The following FDX1 variants were observed in gnomAD, a reference collection of about 807,000 sequenced individuals.
The protein encoded by FDX1 is ferredoxin 1.
FDX1 carries 9 observed loss-of-function variants against 14.9 expected under a neutral mutation model. That is an observed-to-expected ratio of 0.60 (90% CI 0.36 to 1.05). The LOEUF is 1.05. Ranked by LOEUF, FDX1 falls within the 50% of genes least tolerant of loss-of-function variation. The pLI, the probability that FDX1 is intolerant of heterozygous loss-of-function variation, is 0.01. For missense variants in FDX1, 204 were observed against 237.2 expected (o/e 0.86, Z 0.92); for synonymous variants, 92 against 99.4 (o/e 0.93, Z 0.44).
chr11:110,444,658 A>G lies in FDX1; in HGVS notation c.310+8700A>G, dbSNP rs1565381754. On this transcript the variant is annotated intron_variant, in intron 2 of 3. Coordinates refer to ENST00000260270, the MANE Select transcript of FDX1 (RefSeq NM_004109.5). ...TGTGTGTGTGTGTGTGTGTATATATATATATACGTATATATATATATATAT... is the reference window on the plus strand; with the variant it reads ...TGTGTGTGTGTGTGTGTGTATATATGTATATACGTATATATATATATATAT... Among the ~76,000 whole-genome samples the G allele has an allele frequency of 2.8e-3, 222 of 79,102 alleles. 9 individuals carry two copies. Among genetic ancestry groups the G allele is most frequent in the African/African-American group, 0.014 (211 of 15,462 alleles). 51.9% of individuals were successfully genotyped at this position (79,102 alleles called of 152,430 possible). A position where few individuals can be genotyped will look rare whatever the true frequency, so the allele number is the denominator to read the frequency against.
intron 2 of FDX1, among the ~76,000 whole-genome samples, chr11:110,444,903 G>A (rs554900696): frequency 4.6e-4 from 69 of 151,096 alleles, no homozygotes; most frequent in Non-Finnish European, 7.2e-4. Context: ...CGACCGACCC[G>A]CCCTGAATCG....
chr11:110,462,585 A>G lies in FDX1; in HGVS notation c.*117A>G, dbSNP rs575255476. The G allele has an allele frequency of 1.5e-5, 7 of 468,178 alleles. No individual in the cohort carries two copies. In the South Asian group the frequency reaches 3.6e-4, roughly 24 times the overall value. The allele number at this position is 468,178 out of a possible 1,614,324, so 29.0% of individuals were successfully genotyped here. On this transcript the variant is annotated 3_prime_UTR_variant, in exon 4 of 4. Transcript: ENST00000260270. ...ACTTCATATTATGACTAGCTTTACT[A>G]TTTTAATTCACCTTGCATAACTACT...
Position 110,463,085 on chromosome 11 carries a change from T to TGGACGTAGA in FDX1, c.*618_*626dup, listed in dbSNP as rs1373200023. On this transcript the variant is annotated 3_prime_UTR_variant, in exon 4 of 4. Transcript: ENST00000260270. The stretch of plus-strand genomic sequence containing the variant: ...AAATTTTGATTCGGAAGACTAAGTC[T>TGGACGTAGA]GGACGTAGACATTATAATGCTATCA... 3 of 152,272 alleles carry TGGACGTAGA rather than the reference T, an allele frequency of 2.0e-5. No homozygotes were observed. Among genetic ancestry groups the TGGACGTAGA allele is most frequent in the Non-Finnish European group, 4.4e-5 (3 of 68,058 alleles). 9.4% of individuals were successfully genotyped at this position (152,272 alleles called of 1,614,324 possible).
At position 110,463,180 on chromosome 11, in the gene FDX1, A is replaced by G. The variant is rs545798821; in HGVS notation, c.*712A>G. On this transcript the variant is annotated 3_prime_UTR_variant, in exon 4 of 4. Transcript: ENST00000260270. Reference sequence around the variant, plus strand: ...TGGATGTGTTTATTCTTTTCTAAGCAGAATGGTTTAACTTTGTACTCTTTG... The same window carrying G: ...TGGATGTGTTTATTCTTTTCTAAGCGGAATGGTTTAACTTTGTACTCTTTG... 3 of 152,384 alleles carry G rather than the reference A, an allele frequency of 2.0e-5. No individual in the cohort carries two copies. Among genetic ancestry groups the G allele is most frequent in the Non-Finnish European group, 2.9e-5 (2 of 68,032 alleles). 9.4% of individuals were successfully genotyped at this position (152,384 alleles called of 1,614,324 possible).
rs1180293380 is a variant in FDX1 at position 110,441,560 on chromosome 11, T to C, written c.310+5602T>C. Reference sequence around the variant, plus strand: ...CGCATTTTGCCCCTGCCCTAGAGATTTGTGGAACTTTGAACTTAAGAGATG... The same window carrying C: ...CGCATTTTGCCCCTGCCCTAGAGATCTGTGGAACTTTGAACTTAAGAGATG... On this transcript the variant is annotated intron_variant, in intron 2 of 3. Transcript: ENST00000260270. Among the ~76,000 whole-genome samples, 4 of 152,214 alleles carry C rather than the reference T, an allele frequency of 2.6e-5. No homozygotes were observed. In the East Asian group the frequency reaches 5.8e-4, roughly 22 times the overall value.
At chr11:110,450,422 C>A (rs545180832) in intron 2 of FDX1, among the ~76,000 whole-genome samples, 3 of 152,106 alleles carry the variant, frequency 2.0e-5, no homozygotes, top group African/African-American at 7.2e-5. Flanking sequence ...AGCTGCTGAT[C>A]TGACAGAGGT....
chr11:110,434,450 C>T (rs143120989), intron 1 of FDX1, among the ~76,000 whole-genome samples: 2,244 of 151,282 alleles, frequency 0.015, 70 homozygotes, highest in African/African-American at 0.052. Flanking sequence ...GATTCTCCTG[C>T]CTCAGCCTCC....
intron 2 of FDX1, among the ~76,000 whole-genome samples, chr11:110,452,357 A>G (rs946812165): frequency 1.3e-5 from 2 of 152,206 alleles, no homozygotes; most frequent in Non-Finnish European, 2.9e-5. Context: ...AAGGACTTGT[A>G]TCCCGGCTAT....
chr11:110,456,729 C>T (rs1591254541), intron 2 of FDX1, among the ~76,000 whole-genome samples, 189 bp from the exon 3 acceptor site: 1 of 151,906 alleles, frequency 6.6e-6, no homozygotes, highest in Middle Eastern at 3.2e-3. Flanking sequence ...ATGCTGGTCA[C>T]GAACTCTGAC....
At position 110,449,174 on chromosome 11, in the gene FDX1, A is replaced by G. The variant is rs918290056; in HGVS notation, c.311-7744A>G. Among the ~76,000 whole-genome samples the G allele has an allele frequency of 2.0e-5, 3 of 152,262 alleles. 1 individual carries two copies. In the South Asian group the frequency reaches 6.2e-4, roughly 31 times the overall value. ...GAAAGCCAAAAACCTGTCATGATAC[A>G]TACTACTGTTAATTTAGGAGAAAGC... On this transcript the variant is annotated intron_variant, in intron 2 of 3. Coordinates refer to ENST00000260270, the MANE Select transcript of FDX1 (RefSeq NM_004109.5).
chr11:110,455,519 G>A (rs937287315), intron 2 of FDX1, among the ~76,000 whole-genome samples: 1 of 152,042 alleles, frequency 6.6e-6, no homozygotes, highest in Non-Finnish European at 1.5e-5. Context: ...TTGTACAGTG[G>A]CTTTAAAAAA....
At chr11:110,451,720 A>G (rs1946487716) in intron 2 of FDX1, among the ~76,000 whole-genome samples, 2 of 152,202 alleles carry the variant, frequency 1.3e-5, no homozygotes, top group Non-Finnish European at 2.9e-5. Context: ...GATAAAGAAA[A>G]TGTACATATA....
At chr11:110,431,415 A>G (rs1263732500) in intron 1 of FDX1, among the ~76,000 whole-genome samples, 1 of 152,064 alleles carries the variant, frequency 6.6e-6, no homozygotes, top group Non-Finnish European at 1.5e-5. Flanking sequence ...TGCTTTGTCT[A>G]GTTTCTTTTT....
chr11:110,431,155 T>C (rs1946328722), intron 1 of FDX1, among the ~76,000 whole-genome samples: 1 of 152,144 alleles, frequency 6.6e-6, no homozygotes, highest in Non-Finnish European at 1.5e-5. Flanking sequence ...GTTCACAATG[T>C]TAAGAGAGTT....
At chr11:110,453,521 T>C (rs1946500305) in intron 2 of FDX1, among the ~76,000 whole-genome samples, 5 of 151,606 alleles carry the variant, frequency 3.3e-5, no homozygotes, top group Admixed American at 3.3e-4. Flanking sequence ...AGTTTTAGGC[T>C]CTTTTTTATA....
intron 1 of FDX1, among the ~76,000 whole-genome samples, chr11:110,433,259 A>G (rs570171718): frequency 1.3e-5 from 2 of 152,364 alleles, no homozygotes; most frequent in East Asian, 3.9e-4. Flanking sequence ...TGCTGGGCTC[A>G]GACCCATACC....
chr11:110,459,958 T>C (rs1946546306), intron 3 of FDX1, among the ~76,000 whole-genome samples: 1 of 152,256 alleles, frequency 6.6e-6, no homozygotes, highest in Admixed American at 6.5e-5. Context: ...TGTGGTACCC[T>C]GCCATGTTTC....
intron 1 of FDX1, 45 bp from the exon 2 acceptor site, chr11:110,435,789 G>A: frequency 6.8e-7 from 1 of 1,463,966 alleles, no homozygotes; most frequent in Non-Finnish European, 9.3e-7. Context: ...TTTAAATTAT[G>A]TTTTGAAATT....
chr11:110,450,025 G>C lies in FDX1; in HGVS notation c.311-6893G>C, dbSNP rs1946476406. Among the ~76,000 whole-genome samples the C allele has an allele frequency of 5.3e-5, 8 of 152,258 alleles. No homozygotes were observed. In the South Asian group the frequency reaches 1.7e-3, roughly 32 times the overall value. Reference sequence around the variant, plus strand: ...CATTTCCTTACCCCCACTCCCATCTGCTGGTAACTACCGTTGTATTTTCTA... The same window carrying C: ...CATTTCCTTACCCCCACTCCCATCTCCTGGTAACTACCGTTGTATTTTCTA... On this transcript the variant is annotated intron_variant, in intron 2 of 3. Transcript: ENST00000260270.
Sources: allele counts gnomAD v4.1 joint callset (sites outside exome capture counted in the v4.1 genomes callset), GRCh38; gene constraint gnomAD v4.1.1; transcripts MANE v1.5; gene names NCBI Gene and HGNC (gene_info 2026-07-23, HGNC 2026-07-21).